The following TRAPPC13 variants were observed in gnomAD, a reference collection of about 807,000 sequenced individuals.
TRAPPC13 encodes REV7-interacting novel NHEJ regulator 1.
Under a neutral mutation model 54.0 loss-of-function variants are expected in TRAPPC13, and 39 were observed. The ratio of observed to expected loss-of-function variants is 0.72; its 90% CI spans 0.56 to 0.94. The LOEUF (loss-of-function observed/expected upper bound fraction) is 0.94. Ranked by LOEUF, TRAPPC13 falls within the 40% of genes least tolerant of loss-of-function variation. The probability of loss-of-function intolerance (pLI) is 0.00; values close to 1 mark genes in which losing one functional copy is unlikely to be tolerated. For missense variants in TRAPPC13, 386 were observed against 488.1 expected, an observed-to-expected ratio of 0.79 and a Z score of 1.97; for synonymous variants, 148 against 167.7, an observed-to-expected ratio of 0.88 and a Z score of 0.91.
chr5:65,637,190 G>T (rs1186115437), intron 3 of TRAPPC13, among the ~76,000 whole-genome samples: 1 of 152,166 alleles, frequency 6.6e-6, no homozygotes, highest in Non-Finnish European at 1.5e-5. Context: ...ATGTTCTATA[G>T]ATTACGTCTG....
intron 5 of TRAPPC13, 57 bp from the exon 6 acceptor site, chr5:65,650,753 G>C (rs1023976416): frequency 2.8e-6 from 4 of 1,407,286 alleles, no homozygotes; most frequent in African/African-American, 1.4e-5. Context: ...AGGTGTGTTT[G>C]ATTTACTATT....
At chr5:65,656,783 G>A (rs905494765) in intron 8 of TRAPPC13, among the ~76,000 whole-genome samples, 1 of 151,926 alleles carries the variant, frequency 6.6e-6, no homozygotes, top group East Asian at 1.9e-4. Flanking sequence ...GCACTTGCCC[G>A]TAATCCCAGT....
chr5:65,650,005 C>T (rs535321709), intron 5 of TRAPPC13, among the ~76,000 whole-genome samples: 6 of 151,470 alleles, frequency 4.0e-5, no homozygotes, highest in African/African-American at 1.2e-4. Flanking sequence ...TACAGGTGCC[C>T]GCCACCATGC....
intron 5 of TRAPPC13, among the ~76,000 whole-genome samples, chr5:65,647,719 A>G (rs1756267432): frequency 6.6e-6 from 1 of 152,072 alleles, no homozygotes; most frequent in Non-Finnish European, 1.5e-5. Flanking sequence ...AGCCATCTGA[A>G]GTAATTTTAG....
chr5:65,652,929 A>G (rs1227335361), intron 7 of TRAPPC13, among the ~76,000 whole-genome samples: 1 of 152,102 alleles, frequency 6.6e-6, no homozygotes, highest in Admixed American at 6.5e-5. Flanking sequence ...TAATATTCAC[A>G]TGGAAAAATA....
At chr5:65,635,656 A>G (rs532781086) in intron 2 of TRAPPC13, among the ~76,000 whole-genome samples, 2 of 152,274 alleles carry the variant, frequency 1.3e-5, no homozygotes, top group South Asian at 2.1e-4. Flanking sequence ...TGTTGCATCA[A>G]TGTATGTATT....
intron 4 of TRAPPC13, among the ~76,000 whole-genome samples, chr5:65,638,961 G>C (rs1755866641): frequency 6.6e-6 from 1 of 152,138 alleles, no homozygotes; most frequent in Admixed American, 6.5e-5. Flanking sequence ...GCGTGTGCTT[G>C]TAATCCCAGC....
At chr5:65,658,711 T>C (rs950299231) in intron 9 of TRAPPC13, among the ~76,000 whole-genome samples, 1 of 151,208 alleles carries the variant, frequency 6.6e-6, no homozygotes, top group South Asian at 2.1e-4. Context: ...TTTTATTTTA[T>C]TTTTATTTTT....
intron 10 of TRAPPC13, 44 bp from the exon 11 acceptor site, chr5:65,662,006 G>A: frequency 1.4e-6 from 2 of 1,450,988 alleles, no homozygotes; most frequent in Non-Finnish European, 1.9e-6. Context: ...AAATGGAAAG[G>A]TTTTGTGATA....
In TRAPPC13 at chr5:65,640,632, C is replaced by T. The variant is rs141224806; in HGVS notation, c.300+2852C>T. ...AAAGTTTGAGAACATATACTTTTGT[C>T]TTTCTATGTTGTAAATATTGAATTT... On this transcript the variant is annotated intron_variant, in intron 4 of 12. Transcript: ENST00000399438. Among the ~76,000 whole-genome samples the T allele has an allele frequency of 6.1e-3, 925 of 152,216 alleles. 9 individuals are homozygous for T. Among genetic ancestry groups the T allele is most frequent in the African/African-American group, 0.021 (884 of 41,530 alleles).
At position 65,650,972 on chromosome 5, in the gene TRAPPC13, A is replaced by G. The variant is rs185884516; in HGVS notation, c.501+90A>G. The G allele has an allele frequency of 1.4e-3, 1,329 of 937,780 alleles. 4 individuals are homozygous for G. In the Middle Eastern group the frequency reaches 0.019, roughly 13 times the overall value. 58.1% of individuals were successfully genotyped at this position (937,780 alleles called of 1,614,324 possible). A position where few individuals can be genotyped will look rare whatever the true frequency, so the allele number is the denominator to read the frequency against. Reference sequence around the variant, plus strand: ...TTCCCGTTTATCTGCAGGGAAAACAAGCTCCAAATAAAGCAAATAGCTCAA... The same window carrying G: ...TTCCCGTTTATCTGCAGGGAAAACAGGCTCCAAATAAAGCAAATAGCTCAA... On this transcript the variant is annotated intron_variant, in intron 6 of 12. Transcript: ENST00000399438.
At chr5:65,630,283 T>C in intron 1 of TRAPPC13, 2 of 1,532,940 alleles carry the variant, frequency 1.3e-6, no homozygotes, top group Non-Finnish European at 1.7e-6. Context: ...GAAGATTAGC[T>C]CTTACTGGAA....
At chr5:65,657,929 T>G (rs1756710598) in intron 8 of TRAPPC13, 1 of 155,180 alleles carries the variant, frequency 6.4e-6, no homozygotes, top group Admixed American at 6.5e-5. Flanking sequence ...CTATCTAAAT[T>G]GGCATTAATA....
At chr5:65,658,209 A>T (rs1756718629) in intron 8 of TRAPPC13, 159 bp from the exon 9 acceptor site, 1 of 624,030 alleles carries the variant, frequency 1.6e-6, no homozygotes, top group Non-Finnish European at 2.5e-6. Flanking sequence ...TAGGGTGAAG[A>T]TTTCTTTTCT....
chr5:65,630,606 A>G (rs934098816), intron 1 of TRAPPC13: 5 of 1,085,206 alleles, frequency 4.6e-6, no homozygotes, highest in Admixed American at 4.8e-5. Flanking sequence ...ATTAAGTTGT[A>G]TAGTTTGGAT....
intron 8 of TRAPPC13, among the ~76,000 whole-genome samples, chr5:65,657,180 T>G (rs1756687018): frequency 6.6e-6 from 1 of 151,056 alleles, no homozygotes; most frequent in Admixed American, 6.6e-5. Flanking sequence ...TCAGGAGTTC[T>G]AGACCAGCCT....
At chr5:65,646,013 C>A (rs1756192266) in intron 4 of TRAPPC13, among the ~76,000 whole-genome samples, 1 of 152,098 alleles carries the variant, frequency 6.6e-6, no homozygotes, top group South Asian at 2.1e-4. Flanking sequence ...TGCCAGGCAC[C>A]ATGCTATAGT....
intron 5 of TRAPPC13, among the ~76,000 whole-genome samples, chr5:65,650,468 T>C (rs1756387621): frequency 6.6e-6 from 1 of 152,170 alleles, no homozygotes; most frequent in Non-Finnish European, 1.5e-5. Flanking sequence ...AGCTGGAATT[T>C]TTTTAATCCA....
chr5:65,631,188 A>T (rs978641066), intron 1 of TRAPPC13, among the ~76,000 whole-genome samples: 1 of 152,164 alleles, frequency 6.6e-6, no homozygotes, highest in African/African-American at 2.4e-5. Context: ...CTACTATTAA[A>T]CACACCAGCT....
Sources: gnomAD v4.1 joint callset for allele counts (sites outside exome capture counted in the v4.1 genomes callset) on GRCh38, gnomAD v4.1.1 for gene constraint, MANE v1.5 for transcripts, NCBI Gene and HGNC (gene_info 2026-07-23, HGNC 2026-07-21) for gene names.